The following SLC7A14 variants were observed in gnomAD, a reference collection of about 807,000 sequenced individuals.
SLC7A14 encodes gamma-aminobutyric acid transporter SLC7A14.
Under a neutral mutation model 60.2 loss-of-function variants are expected in SLC7A14, and 37 were observed. The observed-to-expected ratio is 0.61, with a 90% CI of 0.47 to 0.81. The LOEUF (loss-of-function observed/expected upper bound fraction) is 0.81. Among genes scored for constraint, SLC7A14 ranks in the 30% least tolerant of loss-of-function variants. The pLI is 0.00. For synonymous variants in SLC7A14, 399 were observed against 395.8 expected (o/e 1.01, Z -0.10); for missense variants, 886 against 982.7 (o/e 0.90, Z 1.32).
chr3:170,466,161 C>T lies in SLC7A14; in HGVS notation c.*894G>A, dbSNP rs1217025080. 6.6e-6 allele frequency: 1 copy of T among 152,168 alleles called. No individual in the cohort carries two copies. The highest frequency in any genetic ancestry group is 1.5e-5 in the Non-Finnish European group (1 of 68,024). The allele number at this position is 152,168 out of a possible 1,614,324, so 9.4% of individuals were successfully genotyped here. On this transcript the variant is annotated 3_prime_UTR_variant, in exon 8 of 8. Transcript: ENST00000231706. ...CAATGTGATCTCAGTGGCTGGCTCACTTCTCCTTGTAAAAATTTTTATCTG... is the reference window on the plus strand; with the variant it reads ...CAATGTGATCTCAGTGGCTGGCTCATTTCTCCTTGTAAAAATTTTTATCTG...
intron 7 of SLC7A14, among the ~76,000 whole-genome samples, chr3:170,478,861 T>C (rs897996577): frequency 2.6e-5 from 4 of 152,100 alleles, no homozygotes; most frequent in Non-Finnish European, 4.4e-5. Context: ...CAGTGGCTCA[T>C]GCCTGTAATC....
chr3:170,479,425 A>G (rs558023703), intron 7 of SLC7A14, among the ~76,000 whole-genome samples: 2 of 152,342 alleles, frequency 1.3e-5, no homozygotes, highest in Non-Finnish European at 2.9e-5. Context: ...CACCTCATGA[A>G]CATCAGAGAT....
chr3:170,467,364 A>G lies in SLC7A14; in HGVS notation c.2007T>C (p.Tyr669=), dbSNP rs1739747572. The change falls in exon 8 of 8, where the codon TAT becomes TAC. Residue 669 remains tyrosine (Y), a synonymous_variant. Transcript: ENST00000231706. ...AVWCFVGLLI[Y]FGYGIWNSTL... ...TGCTGTTCCAGATGCCATATCCAAA[A>G]TAAATGAGCAGACCTGTGGGGCGAG... 6.3e-7 allele frequency: 1 copy of G among 1,599,272 alleles called. No homozygotes were observed. Among genetic ancestry groups the G allele is most frequent in the African/African-American group, 1.3e-5 (1 of 74,376 alleles).
chr3:170,498,459 T>A (rs1278715856), intron 4 of SLC7A14, among the ~76,000 whole-genome samples: 4 of 152,136 alleles, frequency 2.6e-5, no homozygotes, highest in Non-Finnish European at 5.9e-5. Flanking sequence ...TAAAATAAGA[T>A]CTTAACAAAT....
intron 5 of SLC7A14, among the ~76,000 whole-genome samples, chr3:170,483,885 C>A (rs1026098814): frequency 6.6e-6 from 1 of 152,182 alleles, no homozygotes; most frequent in Non-Finnish European, 1.5e-5. Flanking sequence ...GCCCTGCAAC[C>A]AGGGCCTGGC....
chr3:170,570,470 T>G (rs1407931875), intron 1 of SLC7A14: 2 of 150,740 alleles, frequency 1.3e-5, no homozygotes, highest in African/African-American at 4.9e-5. Flanking sequence ...TAAAATAAAA[T>G]AAAATAAAAT....
At chr3:170,553,462 A>T (rs1714403881) in intron 1 of SLC7A14, among the ~76,000 whole-genome samples, 1 of 151,814 alleles carries the variant, frequency 6.6e-6, no homozygotes, top group Non-Finnish European at 1.5e-5. Flanking sequence ...CAAAACAGTA[A>T]CATTGTCATC....
chr3:170,501,305 G>C lies in SLC7A14; in HGVS notation c.345C>G (p.Thr115=), dbSNP rs1274792745. 2 of 1,614,038 alleles carry C rather than the reference G, an allele frequency of 1.2e-6. No homozygotes were observed. The highest frequency in any genetic ancestry group is 1.7e-6 in the Non-Finnish European group (2 of 1,180,042). The part of the protein sequence containing the change: ...YAEFGVRVPK[T]TGSAYTYSYV... ...AGCTGTAGGTGTAGGCAGATCCTGTGGTCTTGGGGACTCGAACTCCAAACT... is the reference window on the plus strand; with the variant it reads ...AGCTGTAGGTGTAGGCAGATCCTGTCGTCTTGGGGACTCGAACTCCAAACT... Residue 115 remains threonine (T), a synonymous_variant, in exon 3 of 8, where the codon ACC becomes ACG. Transcript: ENST00000231706.
At chr3:170,541,347 C>T (rs1475368079) in intron 1 of SLC7A14, among the ~76,000 whole-genome samples, 3 of 152,248 alleles carry the variant, frequency 2.0e-5, no homozygotes, top group East Asian at 1.9e-4. Context: ...CCTGTAATCC[C>T]AGCACTTTGG....
At chr3:170,557,185 G>C (rs536851304) in intron 1 of SLC7A14, among the ~76,000 whole-genome samples, 1 of 152,136 alleles carries the variant, frequency 6.6e-6, no homozygotes, top group East Asian at 1.9e-4. Context: ...TGGATAAATT[G>C]GTTGGTCTTC....
chr3:170,506,286 C>A (rs147296062), intron 2 of SLC7A14, among the ~76,000 whole-genome samples: 1 of 152,200 alleles, frequency 6.6e-6, no homozygotes, highest in Non-Finnish European at 1.5e-5. Flanking sequence ...CAATTACCCA[C>A]GATATAAATC....
chr3:170,571,789 G>C (rs999742254), intron 1 of SLC7A14, among the ~76,000 whole-genome samples: 14 of 152,096 alleles, frequency 9.2e-5, no homozygotes, highest in Admixed American at 8.5e-4. Flanking sequence ...GGCCAGGCAC[G>C]TTGGCTCATG....
intron 4 of SLC7A14, among the ~76,000 whole-genome samples, chr3:170,488,908 A>C (rs1712126255): frequency 6.6e-6 from 1 of 152,210 alleles, no homozygotes. Context: ...TATGTTGGCT[A>C]TCTCTATATC....
At chr3:170,486,189 G>A (rs539787979) in intron 5 of SLC7A14, 33 bp downstream of exon 5, 14 of 1,611,654 alleles carry the variant, frequency 8.7e-6, no homozygotes, top group Middle Eastern at 1.7e-4. Flanking sequence ...GGGCCACATC[G>A]TGAGGAGGGT....
intron 7 of SLC7A14, 61 bp from the exon 8 acceptor site, chr3:170,467,438 C>A (rs1415302694): frequency 5.1e-5 from 59 of 1,161,578 alleles, no homozygotes; most frequent in Non-Finnish European, 6.3e-5. Context: ...CTGGGACTAG[C>A]AGAGAGATCA....
intron 6 of SLC7A14, 26 bp downstream of exon 6, chr3:170,483,288 T>C: frequency 6.2e-7 from 1 of 1,613,232 alleles, no homozygotes; most frequent in Non-Finnish European, 8.5e-7. Context: ...CAGAGCAGGA[T>C]AAATTTCATG....
chr3:170,565,426 G>T (rs1328774008), intron 1 of SLC7A14, among the ~76,000 whole-genome samples: 1 of 152,124 alleles, frequency 6.6e-6, no homozygotes, highest in Admixed American at 6.5e-5. Context: ...AAAGACTGGG[G>T]GCTGCATGTG....
intron 1 of SLC7A14, among the ~76,000 whole-genome samples, chr3:170,540,853 C>G (rs1006816766): frequency 1.3e-5 from 2 of 152,134 alleles, no homozygotes; most frequent in African/African-American, 4.8e-5. Flanking sequence ...TTTTTCCAGA[C>G]TGCAAGCTCT....
intron 4 of SLC7A14, among the ~76,000 whole-genome samples, chr3:170,489,100 G>A (rs1201298124): frequency 6.6e-6 from 1 of 152,138 alleles, no homozygotes; most frequent in Non-Finnish European, 1.5e-5. Flanking sequence ...AAGCAAAAAT[G>A]GACAAATGGA....
Sources: gnomAD v4.1 joint callset for allele counts (sites outside exome capture counted in the v4.1 genomes callset) on GRCh38, gnomAD v4.1.1 for gene constraint, MANE v1.5 for transcripts, NCBI Gene and HGNC (gene_info 2026-07-23, HGNC 2026-07-21) for gene names.